The following ABCB5 variants were observed in gnomAD, a reference collection of about 807,000 sequenced individuals.
The protein encoded by ABCB5 is ATP binding cassette subfamily B member 5.
Under a neutral mutation model 144.2 loss-of-function variants are expected in ABCB5, and 155 were observed. That is an observed-to-expected ratio of 1.08 (90% confidence interval 0.94 to 1.23). The LOEUF is 1.23. Among genes scored for constraint, ABCB5 ranks in the 50% most tolerant of loss-of-function variants. ABCB5 has a pLI of 0.00. For synonymous variants in ABCB5, 610 were observed against 528.6 expected (o/e 1.15, Z -2.11); for missense variants, 1,830 against 1,520.8 (o/e 1.20, Z -3.38).
At chr7:20,650,563 C>CT (rs201135467) in intron 12 of ABCB5, among the ~76,000 whole-genome samples, 17,071 of 141,688 alleles carry the variant, frequency 0.12, 1,096 homozygotes, top group African/African-American at 0.19. Flanking sequence ...CTCCACTTTT[C>CT]TTTTCCTTTT....
chr7:20,743,501 G>T (rs570950658), intron 25 of ABCB5, among the ~76,000 whole-genome samples: 22 of 152,150 alleles, frequency 1.4e-4, no homozygotes, highest in Non-Finnish European at 7.4e-5. Context: ...CTTTATGCAC[G>T]GTTAAGGCTT....
intron 25 of ABCB5, 24 bp from the exon 26 acceptor site, chr7:20,745,208 C>T: frequency 6.2e-7 from 1 of 1,610,842 alleles, no homozygotes; most frequent in Non-Finnish European, 8.5e-7. Flanking sequence ...CTTAACACAC[C>T]ATTCTCCAAT....
chr7:20,711,778 CTCTTTCTTTCTT>C lies in ABCB5; in HGVS notation c.2421+7029_2421+7040del, dbSNP rs1174731019. Among the ~76,000 whole-genome samples, 182 of 47,134 alleles carry C rather than the reference CTCTTTCTTTCTT, an allele frequency of 3.9e-3. 13 individuals are homozygous for C. Among genetic ancestry groups the C allele is most frequent in the African/African-American group, 0.015 (123 of 8,364 alleles). The allele number at this position is 47,134 out of a possible 152,430, so 30.9% of individuals were successfully genotyped here. ...CCAGCCTGCCTGCCTTTCCTTCTTT[CTCTTTCTTTCTT>C]TCTTTCTTTCTTTCTTTCTTTCTTT... On this transcript the variant is annotated intron_variant, in intron 20 of 27. Transcript: ENST00000404938.
chr7:20,746,846 T>A (rs1274812226), intron 26 of ABCB5, among the ~76,000 whole-genome samples: 1 of 152,226 alleles, frequency 6.6e-6, no homozygotes. Flanking sequence ...GGCGAATTTC[T>A]ACATGTGATT....
intron 20 of ABCB5, among the ~76,000 whole-genome samples, chr7:20,722,233 A>G (rs1026014844): frequency 2.6e-5 from 4 of 152,240 alleles, no homozygotes; most frequent in Non-Finnish European, 4.4e-5. Context: ...GTTTATGCAC[A>G]AATGAGTTGT....
intron 14 of ABCB5, among the ~76,000 whole-genome samples, chr7:20,665,472 C>A (rs1785146250): frequency 6.6e-6 from 1 of 152,178 alleles, no homozygotes; most frequent in Admixed American, 6.5e-5. Context: ...TCCCGTTCAA[C>A]TACCATGGTG....
chr7:20,653,096 A>G (rs142548214), intron 13 of ABCB5, among the ~76,000 whole-genome samples: 97 of 152,302 alleles, frequency 6.4e-4, no homozygotes, highest in Admixed American at 1.2e-3. Flanking sequence ...CCTTTCAATG[A>G]CTTCCTTTCC....
intron 2 of ABCB5, among the ~76,000 whole-genome samples, chr7:20,625,325 T>C (rs777640260): frequency 2.0e-5 from 3 of 152,190 alleles, no homozygotes; most frequent in South Asian, 2.1e-4. Context: ...TGTGTCTGTA[T>C]AGAAAACTTA....
At position 20,756,310 on chromosome 7, in the gene ABCB5, A is replaced by C. The variant is rs1244345085; in HGVS notation, c.*686A>C. The C allele has an allele frequency of 1.3e-5, 2 of 152,328 alleles. No individual in the cohort carries two copies. Among genetic ancestry groups the C allele is most frequent in the East Asian group, 3.7e-4 (2 of 5,340 alleles). 9.4% of individuals were successfully genotyped at this position (152,328 alleles called of 1,614,324 possible). A position where few individuals can be genotyped will look rare whatever the true frequency, so the allele number is the denominator to read the frequency against. ...CCTTGGGTTTGGCAGTATAAGTCAC[A>C]GGCCTACCTGTTTATGAAAACTTAC... On this transcript the variant is annotated 3_prime_UTR_variant, in exon 28 of 28. Transcript: ENST00000404938.
chr7:20,623,446 C>A (rs111872870), intron 2 of ABCB5, 108 bp downstream of exon 2: 5 of 883,866 alleles, frequency 5.7e-6, no homozygotes, highest in Non-Finnish European at 8.9e-6. Flanking sequence ...AAAATAGCAA[C>A]ACTATTTGCA....
Position 20,740,083 on chromosome 7 carries a change from A to T in ABCB5, c.3024+944A>T, listed in dbSNP as rs180923496. ...CGTCTCTACTAAAAATAAAAAAATT[A>T]AAAAAATTCAGCCGGGTGTGGTGGC... On this transcript the variant is annotated intron_variant, in intron 24 of 27. Transcript: ENST00000404938. Among the ~76,000 whole-genome samples, 31 of 152,164 alleles carry T rather than the reference A, an allele frequency of 2.0e-4. No individual in the cohort carries two copies. The East Asian group carries it at 2.9e-3, about 14-fold the overall frequency.
intron 21 of ABCB5, among the ~76,000 whole-genome samples, chr7:20,725,460 T>C (rs1782005252): frequency 2.6e-5 from 4 of 152,220 alleles, no homozygotes; most frequent in Middle Eastern, 3.4e-3. Context: ...ACGCCTGCAA[T>C]CCCAGCTACT....
chr7:20,732,777 G>T (rs1782262921), intron 23 of ABCB5, among the ~76,000 whole-genome samples: 1 of 152,154 alleles, frequency 6.6e-6, no homozygotes, highest in Non-Finnish European at 1.5e-5. Flanking sequence ...GAATTTACCT[G>T]TACCTACTGA....
At chr7:20,733,853 C>T (rs765762350) in intron 23 of ABCB5, among the ~76,000 whole-genome samples, 15 of 151,890 alleles carry the variant, frequency 9.9e-5, no homozygotes, top group Admixed American at 7.2e-4. Flanking sequence ...TTGGCCAGGC[C>T]GGTCTCAAAC....
At chr7:20,703,526 G>A (rs151285432) in intron 19 of ABCB5, among the ~76,000 whole-genome samples, 11 of 152,326 alleles carry the variant, frequency 7.2e-5, no homozygotes, top group Admixed American at 2.0e-4. Context: ...TATGATGTGC[G>A]TGATTAAGGC....
intron 23 of ABCB5, among the ~76,000 whole-genome samples, chr7:20,734,269 A>C (rs1371763468): frequency 2.0e-5 from 3 of 151,826 alleles, no homozygotes; most frequent in Non-Finnish European, 4.4e-5. Context: ...CTCATCGACT[A>C]GCTAAACCAA....
In ABCB5 at chr7:20,753,492, A is replaced by G; in HGVS notation, c.3562A>G (p.Asn1188Asp). 1 of 1,613,124 alleles carries G rather than the reference A, an allele frequency of 6.2e-7. No individual in the cohort carries two copies. The highest frequency in any genetic ancestry group is 8.5e-7 in the Non-Finnish European group (1 of 1,179,638). Reference protein sequence around the residue: ...LLDEATSALDNDSEKVVQHAL... With the variant: ...LLDEATSALDDDSEKVVQHAL... The stretch of plus-strand genomic sequence containing the variant: ...GGATGAGGCCACTTCAGCCCTCGAT[A>G]ATGACAGTGAGAAGGTAACATCATT... Residue 1188 changes from asparagine (N) to aspartate (D), a missense_variant, in exon 27 of 28, where the codon AAT becomes GAT. Asn to Asp is a conservative substitution (Grantham distance 23, BLOSUM62 1). Coordinates refer to ENST00000404938, the MANE Select transcript of ABCB5 (RefSeq NM_001163941.2).
At chr7:20,681,688 G>A (rs763294837) in intron 15 of ABCB5, 22 bp downstream of exon 15, 5 of 1,607,968 alleles carry the variant, frequency 3.1e-6, no homozygotes, top group Non-Finnish European at 4.3e-6. Flanking sequence ...GTGACATAAT[G>A]CTATGTCAGC....
intron 25 of ABCB5, 107 bp downstream of exon 25, chr7:20,743,181 G>A: frequency 1.6e-6 from 2 of 1,219,750 alleles, no homozygotes; most frequent in Admixed American, 2.4e-5. Flanking sequence ...AAACAATGCA[G>A]AAGTTAAAAA....
Sources: gnomAD v4.1 joint callset for allele counts (sites outside exome capture counted in the v4.1 genomes callset) on GRCh38, gnomAD v4.1.1 for gene constraint, MANE v1.5 for transcripts, NCBI Gene and HGNC (gene_info 2026-07-23, HGNC 2026-07-21) for gene names.